SYNPR: variants seen among roughly 807,000 people sequenced by gnomAD.
SYNPR encodes synaptoporin.
A neutral mutation model predicts 32.9 loss-of-function variants in SYNPR; 23 were observed. The ratio of observed to expected loss-of-function variants is 0.70; its 90% confidence interval spans 0.50 to 0.99. The LOEUF (loss-of-function observed/expected upper bound fraction) is 0.99, where lower values mean the gene tolerates loss of function less well. Among genes scored for constraint, SYNPR ranks in the 50% least tolerant of loss-of-function variants. The pLI is 0.00. For synonymous variants in SYNPR, 146 were observed against 135.9 expected (o/e 1.07, Z -0.52); for missense variants, 318 against 349.3 (o/e 0.91, Z 0.71).
rs535815104 is a variant in SYNPR, at chr3:63,549,295, G to A, written c.210-7248G>A. On this transcript the variant is annotated intron_variant, in intron 3 of 5. Coordinates refer to ENST00000478300, the MANE Select transcript of SYNPR (RefSeq NM_001130003.2). Reference sequence around the variant, plus strand: ...ATTCAGTACAGACTATCAGTCTACCGTTAGATGAGATGGCACGGGAAAGCT... The same window carrying A: ...ATTCAGTACAGACTATCAGTCTACCATTAGATGAGATGGCACGGGAAAGCT... 3.7e-4 allele frequency among the ~76,000 whole-genome samples: 56 copies of A among 152,296 alleles called. 1 individual carries two copies. Among genetic ancestry groups the A allele is most frequent in the African/African-American group, 1.1e-3 (46 of 41,564 alleles).
intron 2 of SYNPR, among the ~76,000 whole-genome samples, chr3:63,463,894 C>A (rs1376970920): frequency 6.6e-6 from 1 of 152,068 alleles, no homozygotes; most frequent in Non-Finnish European, 1.5e-5. Context: ...TTTTATTTAT[C>A]TATTTTTTTG....
intron 3 of SYNPR, among the ~76,000 whole-genome samples, chr3:63,543,822 T>C (rs1390995246): frequency 6.6e-6 from 1 of 152,124 alleles, no homozygotes; most frequent in African/African-American, 2.4e-5. Flanking sequence ...ACTTGACTAA[T>C]TGCTTTTCAC....
chr3:63,384,192 T>C (rs2088011907), intron 2 of SYNPR, among the ~76,000 whole-genome samples: 1 of 152,248 alleles, frequency 6.6e-6, no homozygotes, highest in South Asian at 2.1e-4. Context: ...GAGAGGATTG[T>C]GTGCCCTCAG....
intron 2 of SYNPR, among the ~76,000 whole-genome samples, chr3:63,473,772 T>C (rs1233153310): frequency 6.6e-6 from 1 of 152,064 alleles, no homozygotes; most frequent in African/African-American, 2.4e-5. Context: ...AGCATGAAGG[T>C]CCTACAGCTG....
At chr3:63,490,551 C>T (rs530719344) in intron 3 of SYNPR, among the ~76,000 whole-genome samples, 22 of 152,102 alleles carry the variant, frequency 1.4e-4, no homozygotes, top group Admixed American at 1.3e-3. Context: ...AGAGGGAAGG[C>T]ATGGTATATA....
At chr3:63,229,911 T>G (rs571094240) in intron 1 of SYNPR, among the ~76,000 whole-genome samples, 104 of 152,298 alleles carry the variant, frequency 6.8e-4, no homozygotes, top group African/African-American at 2.5e-3. Context: ...TCTAGCTTTT[T>G]TGCTTTAATA....
chr3:63,319,346 G>A (rs780082297), intron 2 of SYNPR, among the ~76,000 whole-genome samples: 5 of 152,008 alleles, frequency 3.3e-5, no homozygotes, highest in Non-Finnish European at 7.4e-5. Context: ...ATAATTTGAA[G>A]TCAGGTAATG....
At chr3:63,534,010 A>G (rs1289088524) in intron 3 of SYNPR, among the ~76,000 whole-genome samples, 1 of 152,014 alleles carries the variant, frequency 6.6e-6, no homozygotes, top group Admixed American at 6.6e-5. Context: ...GGACCAGAAC[A>G]CTCTTACAGC....
At position 63,586,654 on chromosome 3, in the gene SYNPR, A is replaced by ATGTGTGTGTGTG. The variant is rs10530383; in HGVS notation, c.409-22453_409-22442dup. On this transcript the variant is annotated intron_variant, in intron 4 of 5. Transcript: ENST00000478300. ...TCTTCCCTTTCTTCTTGCAGATTCA[A>ATGTGTGTGTGTG]TGTGTGTGTGTGTGTGTGTGTGTGT... 5.9e-3 allele frequency among the ~76,000 whole-genome samples: 843 copies of ATGTGTGTGTGTG among 143,646 alleles called. 12 individuals are homozygous for ATGTGTGTGTGTG. The highest frequency in any genetic ancestry group is 0.02 in the African/African-American group (780 of 38,992). The allele number at this position is 143,646 out of a possible 152,430, so 94.2% of individuals were successfully genotyped here.
intron 2 of SYNPR, among the ~76,000 whole-genome samples, chr3:63,326,421 T>C (rs887249210): frequency 2.0e-5 from 3 of 152,140 alleles, no homozygotes; most frequent in Admixed American, 6.5e-5. Flanking sequence ...TAAGTCTACT[T>C]TATTCTTCCA....
At chr3:63,560,582 T>A (rs13095412) in intron 4 of SYNPR, among the ~76,000 whole-genome samples, 64,129 of 152,088 alleles carry the variant, frequency 0.42, 14,078 homozygotes, top group African/African-American at 0.53. Flanking sequence ...TCACACTGCT[T>A]TAAAGAATGG....
chr3:63,472,526 T>G (rs2106678515), intron 2 of SYNPR, among the ~76,000 whole-genome samples: 1 of 152,310 alleles, frequency 6.6e-6, no homozygotes, highest in East Asian at 1.9e-4. Context: ...TACACAGTGC[T>G]AAAATGCCCC....
chr3:63,301,072 CTT>C (rs1358353954), intron 2 of SYNPR, among the ~76,000 whole-genome samples: 1 of 152,104 alleles, frequency 6.6e-6, no homozygotes, highest in African/African-American at 2.4e-5. Flanking sequence ...AGGCTTGAAT[CTT>C]TCTTCCCCTA....
At chr3:63,349,113 T>A (rs1187448223) in intron 2 of SYNPR, among the ~76,000 whole-genome samples, 2 of 152,068 alleles carry the variant, frequency 1.3e-5, no homozygotes, top group Admixed American at 1.3e-4. Flanking sequence ...CATTAATTTT[T>A]TTTTTTTGAG....
chr3:63,505,425 A>T (rs1208610318), intron 3 of SYNPR, among the ~76,000 whole-genome samples: 1 of 152,156 alleles, frequency 6.6e-6, no homozygotes, highest in Non-Finnish European at 1.5e-5. Flanking sequence ...TACTGGTGAG[A>T]AGTAAAAATA....
intron 2 of SYNPR, among the ~76,000 whole-genome samples, chr3:63,354,722 T>C (rs935511429): frequency 6.6e-6 from 1 of 152,212 alleles, no homozygotes; most frequent in Non-Finnish European, 1.5e-5. Flanking sequence ...ATATCAACTC[T>C]TGCTTTTCAT....
intron 2 of SYNPR, among the ~76,000 whole-genome samples, chr3:63,304,307 A>C (rs1223933608): frequency 6.6e-6 from 1 of 151,768 alleles, no homozygotes. Flanking sequence ...AAGACCTTCA[A>C]TCACCTTGAG....
Position 63,543,331 on chromosome 3 carries a change from T to C in SYNPR, c.210-13212T>C, listed in dbSNP as rs528889212. Among the ~76,000 whole-genome samples, 4 of 152,258 alleles carry C rather than the reference T, an allele frequency of 2.6e-5. No homozygotes were observed. The South Asian group carries it at 8.3e-4, about 32-fold the overall frequency. ...AGAATTTCTAGGAAGCCAAACAAAA[T>C]TATTGAATATTAAATTACTTGTAAG... On this transcript the variant is annotated intron_variant, in intron 3 of 5. Coordinates refer to ENST00000478300, the MANE Select transcript of SYNPR (RefSeq NM_001130003.2).
chr3:63,433,425 G>A (rs1475554956), intron 2 of SYNPR, among the ~76,000 whole-genome samples: 1 of 152,170 alleles, frequency 6.6e-6, no homozygotes, highest in African/African-American at 2.4e-5. Context: ...GCTGAAGAAA[G>A]AAAACTGGTT....
Sources: gnomAD v4.1 joint callset for allele counts (sites outside exome capture counted in the v4.1 genomes callset) on GRCh38, gnomAD v4.1.1 for gene constraint, MANE v1.5 for transcripts, NCBI Gene and HGNC (gene_info 2026-07-23, HGNC 2026-07-21) for gene names.